C9: variants seen among roughly 807,000 people sequenced by gnomAD.
C9 encodes the protein complement C9.
In C9, 63 loss-of-function variants were observed where a neutral mutation model predicts 65.4. The observed-to-expected ratio is 0.96, with a 90% confidence interval of 0.79 to 1.19. The LOEUF is 1.19. Among genes scored for constraint, C9 ranks in the 50% most tolerant of loss-of-function variants. C9 has a pLI of 0.00. For missense variants in C9, 744 were observed against 670.1 expected, an observed-to-expected ratio of 1.11 and a Z score of -1.22; for synonymous variants, 229 against 227.9, an observed-to-expected ratio of 1.00 and a Z score of -0.04.
chr5:39,323,085 C>G (rs1483034575), intron 5 of C9, among the ~76,000 whole-genome samples: 1 of 151,940 alleles, frequency 6.6e-6, no homozygotes, highest in South Asian at 2.1e-4. Context: ...GGATACATTC[C>G]TAGAAACATA....
chr5:39,333,616 T>TCTCCCCTCTCCCTCTCTTTCCAC (rs1561347163), intron 4 of C9, among the ~76,000 whole-genome samples: 5 of 138,146 alleles, frequency 3.6e-5, no homozygotes, highest in African/African-American at 1.0e-4. Context: ...CCCCTTTCCA[T>TCTCCCCTCTCCCTCTCTTTCCAC]GGTCTCCCCT....
intron 4 of C9, among the ~76,000 whole-genome samples, chr5:39,336,228 C>T (rs1310726293): frequency 6.6e-6 from 1 of 151,802 alleles, no homozygotes; most frequent in Non-Finnish European, 1.5e-5. Flanking sequence ...ATAGGCTTTA[C>T]TTTTTAGAGC....
chr5:39,330,470 G>A (rs700210), intron 5 of C9, among the ~76,000 whole-genome samples: 2,736 of 152,254 alleles, frequency 0.018, 84 homozygotes, highest in African/African-American at 0.063. Context: ...GGTGAAGACA[G>A]GAAAACCGTA....
intron 1 of C9, among the ~76,000 whole-genome samples, chr5:39,346,865 A>T (rs1366292287): frequency 6.6e-6 from 1 of 152,238 alleles, no homozygotes; most frequent in Non-Finnish European, 1.5e-5. Context: ...GGCTGGTTCA[A>T]CATATGCAAA....
intron 1 of C9, among the ~76,000 whole-genome samples, chr5:39,347,069 T>G (rs1317800095): frequency 1.3e-5 from 2 of 152,192 alleles, no homozygotes; most frequent in Admixed American, 1.3e-4. Context: ...AATATCATAC[T>G]GAATGGGCAA....
chr5:39,312,096 T>A (rs961520253), intron 6 of C9, among the ~76,000 whole-genome samples: 3 of 152,100 alleles, frequency 2.0e-5, no homozygotes, highest in Non-Finnish European at 2.9e-5. Flanking sequence ...CTCTTCATGA[T>A]GGAATTTTCT....
chr5:39,306,751 G>A lies in C9; in HGVS notation c.1282C>T (p.Leu428Phe), dbSNP rs776882576. Reference protein sequence around the residue: ...SENLIDDVVSLIRGGTRKYAF... With the variant: ...SENLIDDVVSFIRGGTRKYAF... ...TATTTTCTGGTTCCACCTCTTATGA[G>A]TGAAACAACATCATCTATGAGGTTT... The change falls in exon 9 of 11, where the codon CTC (leucine) becomes TTC (phenylalanine). Residue 428 changes from leucine (L) to phenylalanine (F), a missense_variant. Physicochemically the swap from Leu to Phe is conservative, Grantham distance 22 (BLOSUM62 0). Transcript: ENST00000263408. 10 of 1,612,502 alleles carry A rather than the reference G, an allele frequency of 6.2e-6. No homozygotes were observed. The South Asian group carries it at 6.6e-5, about 11-fold the overall frequency.
chr5:39,328,916 A>C (rs1484853897), intron 5 of C9, among the ~76,000 whole-genome samples: 12 of 152,242 alleles, frequency 7.9e-5, no homozygotes, highest in Non-Finnish European at 1.2e-4. Flanking sequence ...TTGGCAGTCC[A>C]CATGATATTG....
chr5:39,310,566 C>T (rs1404445084), intron 7 of C9, among the ~76,000 whole-genome samples: 1 of 152,080 alleles, frequency 6.6e-6, no homozygotes, highest in Non-Finnish European at 1.5e-5. Flanking sequence ...TTCCCCATGA[C>T]CAGAAACCTA....
intron 4 of C9, among the ~76,000 whole-genome samples, chr5:39,334,445 C>T (rs1409264491): frequency 1.3e-5 from 2 of 150,646 alleles, no homozygotes; most frequent in Admixed American, 1.3e-4. Flanking sequence ...GTGAGGAGCC[C>T]CTCCGCCTGG....
At chr5:39,320,892 AAAAT>A (rs1753655303) in intron 5 of C9, among the ~76,000 whole-genome samples, 1 of 152,154 alleles carries the variant, frequency 6.6e-6, no homozygotes, top group East Asian at 1.9e-4. Flanking sequence ...TATTGAAAGA[AAAAT>A]AAACTGCCAA....
In C9 at chr5:39,290,936, G is replaced by A. The variant is rs563632764; in HGVS notation, c.1417-1985C>T. 5.3e-5 allele frequency among the ~76,000 whole-genome samples: 8 copies of A among 152,066 alleles called. No individual in the cohort carries two copies. In the South Asian group the frequency reaches 1.7e-3, roughly 31 times the overall value. On this transcript the variant is annotated intron_variant, in intron 9 of 10. Coordinates refer to ENST00000263408, the MANE Select transcript of C9 (RefSeq NM_001737.5). ...GGATTAAAATAATCTTGGATCATTA[G>A]TGGGGATGCTGGAAGCTTTTCAAAT... is the stretch of plus-strand genomic sequence containing the variant.
At chr5:39,334,460 C>A (rs1244141264) in intron 4 of C9, among the ~76,000 whole-genome samples, 1 of 150,688 alleles carries the variant, frequency 6.6e-6, no homozygotes, top group Non-Finnish European at 1.5e-5. Flanking sequence ...GCCTGGCTGA[C>A]ACCCCATCTG....
intron 7 of C9, 51 bp from the exon 8 acceptor site, chr5:39,308,409 C>A (rs1753419175): frequency 2.1e-6 from 3 of 1,418,816 alleles, no homozygotes; most frequent in Admixed American, 1.7e-5. Context: ...ACCAACATCA[C>A]AAATAAATTC....
At chr5:39,339,702 C>G (rs1176694526) in intron 4 of C9, among the ~76,000 whole-genome samples, 1 of 132,810 alleles carries the variant, frequency 7.5e-6, no homozygotes, top group South Asian at 2.4e-4. Flanking sequence ...CTCTGTCGCC[C>G]AGGCTGGAGT....
intron 9 of C9, among the ~76,000 whole-genome samples, chr5:39,300,713 A>C (rs1579843240): frequency 1.3e-5 from 2 of 152,158 alleles, no homozygotes; most frequent in African/African-American, 4.8e-5. Flanking sequence ...ATGCCTTAAA[A>C]TATATAAAAT....
intron 4 of C9, among the ~76,000 whole-genome samples, chr5:39,337,493 G>T (rs1022203106): frequency 6.6e-6 from 1 of 152,218 alleles, no homozygotes; most frequent in African/African-American, 2.4e-5. Context: ...CTCATGGATG[G>T]AAAGTCATCA....
At chr5:39,333,866 G>A (rs1164172022) in intron 4 of C9, among the ~76,000 whole-genome samples, 1 of 152,098 alleles carries the variant, frequency 6.6e-6, no homozygotes, top group African/African-American at 2.4e-5. Context: ...CGCCAGCCTT[G>A]GCCTCCTGAG....
At chr5:39,330,925 C>T (rs1290025573) in intron 5 of C9, among the ~76,000 whole-genome samples, 1 of 152,156 alleles carries the variant, frequency 6.6e-6, no homozygotes, top group Non-Finnish European at 1.5e-5. Flanking sequence ...GGACTGATAA[C>T]AATAAGAGCC....
Sources: gnomAD v4.1 joint callset for allele counts (sites outside exome capture counted in the v4.1 genomes callset) on GRCh38, gnomAD v4.1.1 for gene constraint, MANE v1.5 for transcripts, NCBI Gene and HGNC (gene_info 2026-07-23, HGNC 2026-07-21) for gene names.